Variants in PCNX4 observed in about 807,000 individuals in gnomAD.
PCNX4 encodes the protein pecanex-like protein 4.
A neutral mutation model predicts 107.2 loss-of-function variants in PCNX4; 103 were observed. The observed-to-expected ratio is 0.96, with a 90% CI of 0.82 to 1.13. The LOEUF is 1.13. Ranked by LOEUF, PCNX4 falls within the 50% of genes most tolerant of loss-of-function variation. PCNX4 has a pLI of 0.00. For synonymous variants in PCNX4, 541 were observed against 481.7 expected (o/e 1.12, Z -1.61); for missense variants, 1,528 against 1,379.4 (o/e 1.11, Z -1.71).
chr14:60,107,827 G>A lies in PCNX4; in HGVS notation c.189G>A (p.Gln63=), dbSNP rs1225577301. The change falls in exon 2 of 11, where the codon CAG becomes CAA. Residue 63 remains glutamine (Q), a synonymous_variant. Transcript: ENST00000406854. ...VWGGVGTLLY[Q]LGILKDYYTA... ...GTGGAGTCGGAACACTTTTATACCA[G>A]TTAGGCATCCTGAAAGACTATTATA... The A allele has an allele frequency of 6.2e-7, 1 of 1,612,774 alleles. No individual in the cohort carries two copies. Among genetic ancestry groups the A allele is most frequent in the East Asian group, 2.2e-5 (1 of 44,876 alleles).
rs1896266771 is a variant in PCNX4 at position 60,138,391 on chromosome 14, G to A, written c.*4170G>A. 6.6e-6 allele frequency: 1 copy of A among 151,988 alleles called. No homozygotes were observed. Among genetic ancestry groups the A allele is most frequent in the South Asian group, 2.1e-4 (1 of 4,826 alleles). The allele number at this position is 151,988 out of a possible 1,614,324, so 9.4% of individuals were successfully genotyped here. A position where few individuals can be genotyped will look rare whatever the true frequency, so the allele number is the denominator to read the frequency against. On this transcript the variant is annotated 3_prime_UTR_variant, in exon 11 of 11. Coordinates refer to ENST00000406854, the MANE Select transcript of PCNX4 (RefSeq NM_001330177.2). ...AGACATGAAGACCTGCAAGATCAAA[G>A]CATGATAAATAAAAACAAAATTACA...
rs954789864 is a variant in PCNX4, at chr14:60,144,081, T to G, written c.*9860T>G. The G allele has an allele frequency of 2.6e-5, 4 of 152,194 alleles. No homozygotes were observed. Among genetic ancestry groups the G allele is most frequent in the Non-Finnish European group, 5.9e-5 (4 of 68,030 alleles). 9.4% of individuals were successfully genotyped at this position (152,194 alleles called of 1,614,324 possible). A position where few individuals can be genotyped will look rare whatever the true frequency, so the allele number is the denominator to read the frequency against. On this transcript the variant is annotated 3_prime_UTR_variant, in exon 11 of 11. Coordinates refer to ENST00000406854, the MANE Select transcript of PCNX4 (RefSeq NM_001330177.2). ...TACCATCTATCTTAGTGGGCTGTTA[T>G]GAGGAATGAGTTAATTAACTAATAC...
rs1000822643 is a variant in PCNX4, at chr14:60,139,286, T to A, written c.*5065T>A. ...AGAATGGAAAAATTATAATATGAAA[T>A]ACAAAAAACAAAAACGATAGGGCAG... On this transcript the variant is annotated 3_prime_UTR_variant, in exon 11 of 11. Transcript: ENST00000406854. 3 of 151,822 alleles carry A rather than the reference T, an allele frequency of 2.0e-5. No homozygotes were observed. Among genetic ancestry groups the A allele is most frequent in the African/African-American group, 4.8e-5 (2 of 41,358 alleles). 9.4% of individuals were successfully genotyped at this position (151,822 alleles called of 1,614,324 possible). A position where few individuals can be genotyped will look rare whatever the true frequency, so the allele number is the denominator to read the frequency against.
chr14:60,110,312 T>A (rs1179819931), intron 2 of PCNX4: 1 of 167,160 alleles, frequency 6.0e-6, no homozygotes, highest in Non-Finnish European at 1.5e-5. Flanking sequence ...AAAGGTGATT[T>A]AAGGGTCTTG....
Position 60,115,184 on chromosome 14 carries a change from C to T in PCNX4, c.1080C>T (p.Ile360=), listed in dbSNP as rs1177290761. 1.2e-6 allele frequency: 2 copies of T among 1,613,474 alleles called. No individual in the cohort carries two copies. Among genetic ancestry groups the T allele is most frequent in the South Asian group, 2.2e-5 (2 of 91,068 alleles). Residue 360 remains isoleucine (I), a synonymous_variant, in exon 4 of 11, where the codon ATC becomes ATT. Coordinates refer to ENST00000406854, the MANE Select transcript of PCNX4 (RefSeq NM_001330177.2). ...HFSWKECLFY[I]IILVLALLET... ...CATGGAAGGAATGCCTTTTCTACAT[C>T]ATTATATTAGTCTTGGCTCTTTTAG...
intron 1 of PCNX4, among the ~76,000 whole-genome samples, chr14:60,105,411 T>C (rs1895610557): frequency 6.6e-6 from 1 of 151,238 alleles, no homozygotes; most frequent in African/African-American, 2.4e-5. Flanking sequence ...TGAAGGACAT[T>C]TGGTAATTTG....
chr14:60,096,634 AATAACTG>A (rs1454240746), intron 1 of PCNX4, among the ~76,000 whole-genome samples: 1 of 152,208 alleles, frequency 6.6e-6, no homozygotes, highest in African/African-American at 2.4e-5. Flanking sequence ...CTAGCCAATA[AATAACTG>A]ATCATTGGCA....
chr14:60,114,557 T>G, intron 2 of PCNX4, 143 bp from the exon 3 acceptor site: 1 of 614,328 alleles, frequency 1.6e-6, no homozygotes, highest in Non-Finnish European at 2.7e-6. Flanking sequence ...ATTTGTAAGT[T>G]GGGACTAAGA....
intron 10 of PCNX4, among the ~76,000 whole-genome samples, chr14:60,130,346 C>T (rs1411618080): frequency 1.3e-5 from 2 of 150,278 alleles, no homozygotes; most frequent in African/African-American, 4.9e-5. Flanking sequence ...ACACAAACCA[C>T]ATGATCATCT....
chr14:60,143,375 G>A lies in PCNX4; in HGVS notation c.*9154G>A, dbSNP rs1896329707. ...TGGTGTGTTGTATTCAATAAATAAT[G>A]TTGTTATTCCAGTTTTCATCACTGG... On this transcript the variant is annotated 3_prime_UTR_variant, in exon 11 of 11. Coordinates refer to ENST00000406854, the MANE Select transcript of PCNX4 (RefSeq NM_001330177.2). 1 of 151,920 alleles carries A rather than the reference G, an allele frequency of 6.6e-6. No homozygotes were observed. The highest frequency in any genetic ancestry group is 6.6e-5 in the Admixed American group (1 of 15,212). 9.4% of individuals were successfully genotyped at this position (151,920 alleles called of 1,614,324 possible).
At position 60,099,023 on chromosome 14, in the gene PCNX4, G is replaced by A. The variant is rs116289889; in HGVS notation, c.-54+6604G>A. Among the ~76,000 whole-genome samples the A allele has an allele frequency of 8.1e-3, 1,240 of 152,160 alleles. 14 individuals are homozygous for A. Among genetic ancestry groups the A allele is most frequent in the African/African-American group, 0.028 (1,173 of 41,520 alleles). On this transcript the variant is annotated intron_variant, in intron 1 of 10. Transcript: ENST00000406854. ...TGGCATTCGGTTAAGATTCCATAGAGTATTTTCCGGATTATAATGGTAGCT... is the reference window on the plus strand; with the variant it reads ...TGGCATTCGGTTAAGATTCCATAGAATATTTTCCGGATTATAATGGTAGCT...
intron 6 of PCNX4, 25 bp from the exon 7 acceptor site, chr14:60,118,304 A>G (rs1398077362): frequency 6.5e-7 from 1 of 1,531,498 alleles, no homozygotes; most frequent in African/African-American, 1.4e-5. Flanking sequence ...AAGGATAAAT[A>G]AAAATAATTT....
chr14:60,131,378 T>C (rs1443947647), intron 10 of PCNX4, among the ~76,000 whole-genome samples: 2 of 152,170 alleles, frequency 1.3e-5, no homozygotes, highest in African/African-American at 4.8e-5. Flanking sequence ...TTGCAAGATA[T>C]AAGATCAACA....
intron 9 of PCNX4, among the ~76,000 whole-genome samples, 193 bp downstream of exon 9, chr14:60,125,444 T>C (rs182752536): frequency 1.8e-4 from 27 of 152,318 alleles, no homozygotes; most frequent in Admixed American, 5.9e-4. Context: ...TGGTTTTGTT[T>C]ATATGGAAAA....
chr14:60,124,461 C>G lies in PCNX4; in HGVS notation c.2290C>G (p.Leu764Val). The change falls in exon 9 of 11, where the codon CTT becomes GTT. Residue 764 changes from leucine (L) to valine (V), a missense_variant. Transcript: ENST00000406854. ...ATTTAAAGGTGACCTCATTAAAGTACTTGTGTGGATACTTGTTCAATACTG... is the reference window on the plus strand; with the variant it reads ...ATTTAAAGGTGACCTCATTAAAGTAGTTGTGTGGATACTTGTTCAATACTG... The part of the protein sequence containing the change: ...KEFKGDLIKV[L>V]VWILVQYCSK... 6.2e-7 allele frequency: 1 copy of G among 1,613,684 alleles called. No individual in the cohort carries two copies. Among genetic ancestry groups the G allele is most frequent in the Non-Finnish European group, 8.5e-7 (1 of 1,179,712 alleles).
rs758106776 is a variant in PCNX4, at chr14:60,137,446, G to T, written c.*3225G>T. ...AGGATCTTCTCACTTCCCAAAACTG[G>T]ATTCAGGTGACCCTTTGCTGCAGCC... On this transcript the variant is annotated 3_prime_UTR_variant, in exon 11 of 11. Transcript: ENST00000406854. 2.0e-5 allele frequency: 3 copies of T among 152,258 alleles called. No individual in the cohort carries two copies. The highest frequency in any genetic ancestry group is 1.3e-4 in the Admixed American group (2 of 15,278). The allele number at this position is 152,258 out of a possible 1,614,324, so 9.4% of individuals were successfully genotyped here. A position where few individuals can be genotyped will look rare whatever the true frequency, so the allele number is the denominator to read the frequency against.
At chr14:60,123,105 A>G (rs1445438770) in intron 8 of PCNX4, among the ~76,000 whole-genome samples, 5 of 152,144 alleles carry the variant, frequency 3.3e-5, no homozygotes, top group African/African-American at 1.2e-4. Context: ...ATACCAGAAG[A>G]CAAAAAATAT....
rs1896355145 is a variant in PCNX4, at chr14:60,144,793, A to G, written c.*10572A>G. 2 of 621,838 alleles carry G rather than the reference A, an allele frequency of 3.2e-6. No individual in the cohort carries two copies. The highest frequency in any genetic ancestry group is 4.2e-5 in the South Asian group (2 of 47,570). The allele number at this position is 621,838 out of a possible 1,614,324, so 38.5% of individuals were successfully genotyped here. On this transcript the variant is annotated 3_prime_UTR_variant, in exon 11 of 11. Transcript: ENST00000406854. ...AGTTAATACCTTTTTTGCAAGATTCATGGCAATCTTTTATTATTTATTTTT... is the reference window on the plus strand; with the variant it reads ...AGTTAATACCTTTTTTGCAAGATTCGTGGCAATCTTTTATTATTTATTTTT...
chr14:60,130,447 A>C (rs1359472249), intron 10 of PCNX4, among the ~76,000 whole-genome samples: 2 of 152,288 alleles, frequency 1.3e-5, no homozygotes, highest in East Asian at 3.9e-4. Flanking sequence ...CAACCTGAAC[A>C]TCTATGAAAA....
Sources: allele counts gnomAD v4.1 joint callset (sites outside exome capture counted in the v4.1 genomes callset), GRCh38; gene constraint gnomAD v4.1.1; transcripts MANE v1.5; gene names NCBI Gene and HGNC (gene_info 2026-07-23, HGNC 2026-07-21).